NOVA1: variants seen among roughly 807,000 people sequenced by gnomAD.
The protein encoded by NOVA1 is NOVA alternative splicing regulator 1, also known as RNA-binding protein Nova-1.
NOVA1 carries 7 observed loss-of-function variants against 38.0 expected under a neutral mutation model. The observed-to-expected ratio is 0.18, with a 90% CI of 0.10 to 0.35. NOVA1 has a LOEUF of 0.35. Among genes scored for constraint, NOVA1 ranks in the 10% least tolerant of loss-of-function variants. The pLI, the probability that NOVA1 is intolerant of heterozygous loss-of-function variation, is 1.00. For missense variants in NOVA1, 460 were observed against 616.0 expected, an observed-to-expected ratio of 0.75 and a Z score of 2.68; for synonymous variants, 270 against 232.5, an observed-to-expected ratio of 1.16 and a Z score of -1.47.
intron 3 of NOVA1, among the ~76,000 whole-genome samples, chr14:26,478,473 G>C (rs1364854159): frequency 6.6e-6 from 1 of 151,870 alleles, no homozygotes; most frequent in Non-Finnish European, 1.5e-5. Flanking sequence ...GCTGGATTAA[G>C]GCAGAAAGCC....
chr14:26,587,204 G>C (rs981669722), intron 2 of NOVA1, among the ~76,000 whole-genome samples: 1 of 148,886 alleles, frequency 6.7e-6, no homozygotes, highest in African/African-American at 2.4e-5. Flanking sequence ...TCATCACTTT[G>C]ATCTATTTCC....
intron 4 of NOVA1, among the ~76,000 whole-genome samples, chr14:26,461,606 G>A (rs1468570278): frequency 6.6e-6 from 1 of 151,740 alleles, no homozygotes; most frequent in Non-Finnish European, 1.5e-5. Flanking sequence ...CATAATTTTT[G>A]GCAAGAATAT....
At chr14:26,472,249 T>C in intron 4 of NOVA1, 71 bp downstream of exon 4, 1 of 888,688 alleles carries the variant, frequency 1.1e-6, no homozygotes, top group Non-Finnish European at 1.9e-6. Flanking sequence ...TAACCCACCA[T>C]TATCTTTTTC....
At chr14:26,590,744 C>G (rs942815910) in intron 2 of NOVA1, among the ~76,000 whole-genome samples, 2 of 151,648 alleles carry the variant, frequency 1.3e-5, no homozygotes, top group Non-Finnish European at 3.0e-5. Flanking sequence ...TTAAACTATT[C>G]CTGAAATCCT....
At chr14:26,524,186 G>C (rs178178) in intron 2 of NOVA1, among the ~76,000 whole-genome samples, 145,563 of 152,214 alleles carry the variant, frequency 0.96, 69,917 homozygotes, top group Middle Eastern at 1. Flanking sequence ...CAAAAATAAC[G>C]AAGGAGGTTT....
intron 4 of NOVA1, among the ~76,000 whole-genome samples, chr14:26,465,745 AC>A (rs1462545158): frequency 6.6e-6 from 1 of 152,208 alleles, no homozygotes; most frequent in Non-Finnish European, 1.5e-5. Flanking sequence ...TATTCTTTCA[AC>A]TAACGCTAGT....
chr14:26,572,111 T>C (rs1192683602), intron 2 of NOVA1, among the ~76,000 whole-genome samples: 3 of 152,144 alleles, frequency 2.0e-5, no homozygotes, highest in South Asian at 2.1e-4. Flanking sequence ...TGGGATGTTA[T>C]GAAATACACC....
At chr14:26,455,600 A>G (rs2138584761) in intron 4 of NOVA1, among the ~76,000 whole-genome samples, 1 of 152,164 alleles carries the variant, frequency 6.6e-6, no homozygotes, top group Non-Finnish European at 1.5e-5. Context: ...TTATTTTTCC[A>G]TTTAACACAT....
At chr14:26,472,753 G>C (rs1294879382) in intron 3 of NOVA1, among the ~76,000 whole-genome samples, 1 of 151,516 alleles carries the variant, frequency 6.6e-6, no homozygotes, top group Non-Finnish European at 1.5e-5. Flanking sequence ...GAAGTTCAAT[G>C]AATAAAACCA....
Position 26,448,938 on chromosome 14 carries a change from G to T in NOVA1, c.545C>A (p.Thr182Lys). ...NQVKIIVPNS[T>K]AGLIIGKGGA... Reference sequence around the variant, plus strand: ...TCCCTTCCCTATTATCAGACCTGCTGTGCTGTTGGGAACTATAATCTTTAC... The same window carrying T: ...TCCCTTCCCTATTATCAGACCTGCTTTGCTGTTGGGAACTATAATCTTTAC... Residue 182 changes from threonine to lysine, a missense_variant, in exon 5 of 5, where the codon ACA (threonine) becomes AAA (lysine). By Grantham distance (78) the Thr-to-Lys change is moderately conservative (BLOSUM62 -1). Transcript: ENST00000539517. This position sits in a 1 kb window ranked among gnomAD's most constrained non-coding sequence, Gnocchi z 5.3. 1 of 1,613,108 alleles carries T rather than the reference G, an allele frequency of 6.2e-7. No homozygotes were observed. Among genetic ancestry groups the T allele is most frequent in the Non-Finnish European group, 8.5e-7 (1 of 1,179,488 alleles).
intron 2 of NOVA1, chr14:26,568,402 T>C (rs1892265920): frequency 6.6e-6 from 1 of 152,186 alleles, no homozygotes; most frequent in Admixed American, 6.5e-5. Context: ...ACCAACTGCA[T>C]GATTTTGGTC....
At chr14:26,478,301 A>G (rs1345888710) in intron 3 of NOVA1, among the ~76,000 whole-genome samples, 1 of 151,914 alleles carries the variant, frequency 6.6e-6, no homozygotes, top group East Asian at 1.9e-4. Context: ...TTATTCTTAT[A>G]AAAAATAATA....
chr14:26,515,666 A>G (rs1288221683), intron 2 of NOVA1, among the ~76,000 whole-genome samples: 5 of 152,024 alleles, frequency 3.3e-5, no homozygotes, highest in Non-Finnish European at 1.5e-5. Flanking sequence ...CCTACTAAAA[A>G]GCATGGTAAA....
At chr14:26,449,273 C>A (rs1335905980) in intron 4 of NOVA1, among the ~76,000 whole-genome samples, 1 of 152,072 alleles carries the variant, frequency 6.6e-6, no homozygotes. Flanking sequence ...CATAACTATA[C>A]ACCAAAGGTA....
At chr14:26,592,954 G>A (rs1430421471) in intron 2 of NOVA1, 1 of 151,630 alleles carries the variant, frequency 6.6e-6, no homozygotes, top group East Asian at 1.9e-4. Flanking sequence ...AAATCCATTA[G>A]GTTATACAAC....
chr14:26,593,046 T>C (rs1430927102), intron 2 of NOVA1: 1 of 151,840 alleles, frequency 6.6e-6, no homozygotes, highest in Non-Finnish European at 1.5e-5. Context: ...TAGGCATATT[T>C]GTTCCAGTAG....
chr14:26,524,899 T>A (rs570299515), intron 2 of NOVA1, among the ~76,000 whole-genome samples: 1 of 152,194 alleles, frequency 6.6e-6, no homozygotes, highest in Non-Finnish European at 1.5e-5. Context: ...TATTACAATC[T>A]GGGTAGCAGT....
chr14:26,541,090 A>G (rs1890438653), intron 2 of NOVA1, among the ~76,000 whole-genome samples: 1 of 152,142 alleles, frequency 6.6e-6, no homozygotes, highest in Admixed American at 6.5e-5. Flanking sequence ...GTATATGGTG[A>G]AGACATAAGC....
At chr14:26,579,356 T>C (rs1893070355) in intron 2 of NOVA1, among the ~76,000 whole-genome samples, 1 of 152,112 alleles carries the variant, frequency 6.6e-6, no homozygotes, top group Admixed American at 6.6e-5. Flanking sequence ...TGCCCAGCCA[T>C]CGTATTCTTA....
Sources: allele counts gnomAD v4.1 joint callset (sites outside exome capture counted in the v4.1 genomes callset), GRCh38; gene constraint gnomAD v4.1.1; non-coding constraint Gnocchi (gnomAD v3.1); transcripts MANE v1.5; gene names NCBI Gene and HGNC (gene_info 2026-07-23, HGNC 2026-07-21).